GPLD1: variants seen among roughly 807,000 people sequenced by gnomAD.
GPLD1 encodes the protein phosphatidylinositol-glycan-specific phospholipase D.
In GPLD1, 84 loss-of-function variants were observed where a neutral mutation model predicts 112.6. The ratio of observed to expected loss-of-function variants is 0.75; its 90% CI spans 0.63 to 0.89. The LOEUF (loss-of-function observed/expected upper bound fraction) is 0.89. Among genes scored for constraint, GPLD1 ranks in the 40% least tolerant of loss-of-function variants. The probability of loss-of-function intolerance (pLI) is 0.00; values close to 1 mark genes in which losing one functional copy is unlikely to be tolerated. For synonymous variants in GPLD1, 386 were observed against 403.8 expected (o/e 0.96, Z 0.53); for missense variants, 1,044 against 1,051.5 (o/e 0.99, Z 0.10).
chr6:24,442,851 G>A (rs935005663), intron 20 of GPLD1, among the ~76,000 whole-genome samples: 6 of 152,056 alleles, frequency 3.9e-5, no homozygotes, highest in Non-Finnish European at 5.9e-5. Flanking sequence ...AAAGTGCTGC[G>A]ATTACAGGCA....
At chr6:24,453,981 C>T (rs1437993895) in intron 14 of GPLD1, 34 bp downstream of exon 14, 1 of 1,417,252 alleles carries the variant, frequency 7.1e-7, no homozygotes, top group Non-Finnish European at 9.8e-7. Context: ...TAGCTACTAA[C>T]CACTAGAAGA....
intron 2 of GPLD1, among the ~76,000 whole-genome samples, chr6:24,485,780 C>T (rs1340754649): frequency 1.3e-5 from 2 of 152,038 alleles, no homozygotes; most frequent in Admixed American, 1.3e-4. Flanking sequence ...AGCCATTCTC[C>T]TGCCTCAGCC....
intron 2 of GPLD1, among the ~76,000 whole-genome samples, chr6:24,483,939 C>A (rs891095956): frequency 1.3e-5 from 2 of 151,664 alleles, no homozygotes; most frequent in African/African-American, 4.8e-5. Flanking sequence ...GAGATGGAGT[C>A]TCACTCTGTC....
chr6:24,427,585 C>T lies in GPLD1; in HGVS notation c.*1447G>A, dbSNP rs933408635. On this transcript the variant is annotated 3_prime_UTR_variant, in exon 25 of 25. Coordinates refer to ENST00000230036, the MANE Select transcript of GPLD1 (RefSeq NM_001503.4). ...TATCGGCCAGGTCCTGTGGCTCACA[C>T]ATGTAATCCCAGCACTTTGGGAGGT... Among the ~76,000 whole-genome samples, 1 of 152,112 alleles carries T rather than the reference C, an allele frequency of 6.6e-6. No individual in the cohort carries two copies. Among genetic ancestry groups the T allele is most frequent in the African/African-American group, 2.4e-5 (1 of 41,426 alleles).
At chr6:24,489,258 A>T (rs1207811362) in intron 1 of GPLD1, among the ~76,000 whole-genome samples, 157 bp downstream of exon 1, 3 of 152,182 alleles carry the variant, frequency 2.0e-5, no homozygotes, top group African/African-American at 7.2e-5. Flanking sequence ...TCCCTGGATG[A>T]CTGCAATCAC....
upstream of GPLD1, among the ~76,000 whole-genome samples, chr6:24,490,352 C>T (rs1303964232): frequency 6.6e-6 from 1 of 152,158 alleles, no homozygotes; most frequent in Non-Finnish European, 1.5e-5. Flanking sequence ...AATCTTAAAA[C>T]ACAAATTATG....
At chr6:24,453,491 C>A (rs1763159978) in intron 14 of GPLD1, among the ~76,000 whole-genome samples, 1 of 152,054 alleles carries the variant, frequency 6.6e-6, no homozygotes, top group Non-Finnish European at 1.5e-5. Flanking sequence ...AAAAAATTAG[C>A]CGGGCCTGGT....
chr6:24,431,032 C>T (rs1436568716), intron 24 of GPLD1, among the ~76,000 whole-genome samples: 2 of 152,072 alleles, frequency 1.3e-5, no homozygotes, highest in Admixed American at 6.6e-5. Flanking sequence ...ATTTTTGAAA[C>T]AAATAAAATT....
At chr6:24,456,025 A>AT (rs1040501107) in intron 13 of GPLD1, among the ~76,000 whole-genome samples, 1 of 152,040 alleles carries the variant, frequency 6.6e-6, no homozygotes, top group Non-Finnish European at 1.5e-5. Flanking sequence ...AGAAAAAAAA[A>AT]TTTTTTTAAT....
At chr6:24,491,031 T>A (rs1468770418), upstream of GPLD1, among the ~76,000 whole-genome samples, 1 of 152,154 alleles carries the variant, frequency 6.6e-6, no homozygotes, top group Non-Finnish European at 1.5e-5. Flanking sequence ...AAATCTAGAT[T>A]TCTGGCTCTC....
upstream of GPLD1, chr6:24,489,749 G>C: frequency 3.6e-6 from 2 of 550,488 alleles, no homozygotes; most frequent in Non-Finnish European, 3.0e-6. Flanking sequence ...GGGTTGGGAG[G>C]ATAAACTGAA....
At chr6:24,453,698 T>TTG (rs757136593) in intron 14 of GPLD1, among the ~76,000 whole-genome samples, 1 of 35,974 alleles carries the variant, frequency 2.8e-5, no homozygotes, top group Non-Finnish European at 7.5e-5. Context: ...TACATACATT[T>TTG]CGTGTGTGTG....
At chr6:24,449,231 A>C (rs1763003992) in intron 15 of GPLD1, among the ~76,000 whole-genome samples, 1 of 152,004 alleles carries the variant, frequency 6.6e-6, no homozygotes, top group Admixed American at 6.6e-5. Context: ...TGTGAGGAGG[A>C]AGGGGCAAGA....
intron 14 of GPLD1, among the ~76,000 whole-genome samples, chr6:24,450,107 G>A (rs1183420427): frequency 6.6e-6 from 1 of 152,204 alleles, no homozygotes; most frequent in African/African-American, 2.4e-5. Context: ...TGCCTTGAGG[G>A]GAAGCAGAGA....
chr6:24,466,175 T>A (rs1763606043), intron 10 of GPLD1, among the ~76,000 whole-genome samples: 1 of 152,218 alleles, frequency 6.6e-6, no homozygotes, highest in Admixed American at 6.5e-5. Flanking sequence ...CGAAACCTCA[T>A]CTCTACTAAA....
intron 6 of GPLD1, 100 bp downstream of exon 6, chr6:24,473,519 C>A: frequency 1.4e-6 from 1 of 728,286 alleles, no homozygotes; most frequent in South Asian, 1.7e-5. Flanking sequence ...TACATGCAAC[C>A]AGCAAAATAT....
intron 1 of GPLD1, among the ~76,000 whole-genome samples, chr6:24,488,637 C>T (rs114325676): frequency 0.021 from 3,207 of 151,634 alleles, 38 homozygotes; most frequent in Non-Finnish European, 0.029. Context: ...GTGGGGGGGG[C>T]GGATGTGTTA....
At chr6:24,447,809 T>C (rs1762958474) in intron 17 of GPLD1, 68 bp downstream of exon 17, 1 of 1,417,160 alleles carries the variant, frequency 7.1e-7, no homozygotes. Flanking sequence ...TATAAACCCC[T>C]ATGCAGGATA....
In GPLD1 at chr6:24,428,904, AG is replaced by A; in HGVS notation, c.*127del. 8.8e-6 allele frequency: 5 copies of A among 565,788 alleles called. No homozygotes were observed. Among genetic ancestry groups the A allele is most frequent in the Non-Finnish European group, 1.6e-5 (5 of 315,210 alleles). The allele number at this position is 565,788 out of a possible 1,614,324, so 35.0% of individuals were successfully genotyped here. On this transcript the variant is annotated 3_prime_UTR_variant, in exon 25 of 25. Coordinates refer to ENST00000230036, the MANE Select transcript of GPLD1 (RefSeq NM_001503.4). ...GCTGTTAGTGTGTCTCTCTACTCCC[AG>A]GAGCCCCATGTCTATCAGGATCTAC...
Sources: allele counts gnomAD v4.1 joint callset (sites outside exome capture counted in the v4.1 genomes callset), GRCh38; gene constraint gnomAD v4.1.1; transcripts MANE v1.5; gene names NCBI Gene and HGNC (gene_info 2026-07-23, HGNC 2026-07-21).